Variants in FRAS1 observed in about 807,000 individuals in gnomAD.
FRAS1 encodes extracellular matrix organizing protein FRAS1.
Under a neutral mutation model 435.2 loss-of-function variants are expected in FRAS1, and 290 were observed. The ratio of observed to expected loss-of-function variants is 0.67; its 90% CI spans 0.61 to 0.73. FRAS1 has a LOEUF of 0.73. FRAS1 is among the 30% of genes least tolerant of loss of function. The pLI is 0.00. For missense variants in FRAS1, 4,860 were observed against 5,001.5 expected, an observed-to-expected ratio of 0.97 and a Z score of 0.85; for synonymous variants, 1,800 against 1,851.0, an observed-to-expected ratio of 0.97 and a Z score of 0.71.
intron 2 of FRAS1, among the ~76,000 whole-genome samples, chr4:78,219,222 A>G (rs1356286200): frequency 6.6e-6 from 1 of 152,208 alleles, no homozygotes; most frequent in Admixed American, 6.5e-5. Flanking sequence ...AGACTGAATT[A>G]CTTATTTGCT....
chr4:78,355,487 A>G (rs446773), intron 20 of FRAS1, among the ~76,000 whole-genome samples: 10,080 of 152,212 alleles, frequency 0.066, 623 homozygotes, highest in African/African-American at 0.17. Flanking sequence ...GACAGGCTCC[A>G]GAATAGGCAC....
At chr4:78,212,322 C>T (rs1272590512) in intron 2 of FRAS1, among the ~76,000 whole-genome samples, 4 of 152,118 alleles carry the variant, frequency 2.6e-5, no homozygotes, top group Non-Finnish European at 5.9e-5. Context: ...CATCGTCTTC[C>T]CTTTCTGTAG....
rs756201283 is a variant in FRAS1, at chr4:78,441,171, G to T, written c.5539G>T (p.Gly1847Ter). Residue 1847 changes from glycine to a stop codon, truncating the protein, a stop_gained, in exon 41 of 74, where the codon GGA (glycine) becomes TGA (stop). Transcript: ENST00000512123. LOFTEE classifies it high-confidence loss of function. ...TTCTTTTCTTTCTTAGGTTGATGAG[G>T]GAGGGAGAGCACCACTCTCATTTCA... is the stretch of plus-strand genomic sequence containing the variant. ...AFADLITVDE[G>*]GRAPLSFHHF... 3 of 1,613,676 alleles carry T rather than the reference G, an allele frequency of 1.9e-6. No homozygotes were observed. The South Asian group carries it at 3.3e-5, about 18-fold the overall frequency.
At position 78,466,314 on chromosome 4, in the gene FRAS1, A is replaced by T; in HGVS notation, c.7136A>T (p.Asp2379Val). 6.2e-7 allele frequency: 1 copy of T among 1,613,880 alleles called. No individual in the cohort carries two copies. Among genetic ancestry groups the T allele is most frequent in the Non-Finnish European group, 8.5e-7 (1 of 1,179,800 alleles). ...CTCACCTCCACCTTCACCATGAAAG[A>T]TATCTACCAGAACCGGGTCAGCTAC... ...FHLTSTFTMK[D>V]IYQNRVSYSH... Residue 2379 changes from aspartate to valine, a missense_variant, in exon 50 of 74, where the codon GAT becomes GTT. Asp to Val is a radical substitution (Grantham distance 152). Transcript: ENST00000512123.
At chr4:78,329,312 G>T (rs930304249) in intron 18 of FRAS1, among the ~76,000 whole-genome samples, 1 of 152,150 alleles carries the variant, frequency 6.6e-6, no homozygotes, top group Non-Finnish European at 1.5e-5. Context: ...TCTGGATTCC[G>T]GTAACTTTAC....
intron 25 of FRAS1, 50 bp from the exon 26 acceptor site, chr4:78,375,689 C>G: frequency 6.7e-7 from 1 of 1,486,496 alleles, no homozygotes; most frequent in South Asian, 1.4e-5. Flanking sequence ...ATTTCTTTGT[C>G]GCTGGTGTTG....
intron 70 of FRAS1, among the ~76,000 whole-genome samples, chr4:78,529,060 A>G (rs1431419943): frequency 6.6e-6 from 1 of 152,114 alleles, no homozygotes; most frequent in East Asian, 1.9e-4. Context: ...TAATGGGCCT[A>G]TGAAGAGTAG....
chr4:78,517,773 A>G (rs1432660926), intron 66 of FRAS1, among the ~76,000 whole-genome samples: 7 of 152,180 alleles, frequency 4.6e-5, no homozygotes, highest in African/African-American at 1.7e-4. Flanking sequence ...TTAGTGAGTA[A>G]TATCATGAGG....
chr4:78,508,681 T>C (rs1560418265), intron 62 of FRAS1, 50 bp from the exon 63 acceptor site: 2 of 1,604,914 alleles, frequency 1.2e-6, no homozygotes, highest in Non-Finnish European at 1.7e-6. Flanking sequence ...CTTAGTTCTC[T>C]GACCTTGCCA....
At chr4:78,539,769 G>T (rs751063101) in intron 73 of FRAS1, among the ~76,000 whole-genome samples, 2 of 151,854 alleles carry the variant, frequency 1.3e-5, no homozygotes, top group East Asian at 3.9e-4. Flanking sequence ...TGATTTTCAC[G>T]GACATATGAA....
intron 6 of FRAS1, among the ~76,000 whole-genome samples, chr4:78,260,917 A>G (rs1726065181): frequency 1.3e-5 from 2 of 152,104 alleles, no homozygotes; most frequent in Non-Finnish European, 2.9e-5. Context: ...TTTGTCTGGA[A>G]TATTATGGAG....
intron 45 of FRAS1, among the ~76,000 whole-genome samples, chr4:78,451,297 G>T (rs1719013732): frequency 6.6e-6 from 1 of 152,146 alleles, no homozygotes; most frequent in African/African-American, 2.4e-5. Flanking sequence ...TTTGTTGGTT[G>T]GCTATAGCCC....
At chr4:78,089,144 C>A (rs1198920662) in intron 2 of FRAS1, among the ~76,000 whole-genome samples, 1 of 151,824 alleles carries the variant, frequency 6.6e-6, no homozygotes, top group South Asian at 2.1e-4. Context: ...ATGGATGAAG[C>A]TGGAAACCAT....
At chr4:78,219,975 C>T (rs776090965) in intron 2 of FRAS1, among the ~76,000 whole-genome samples, 13 of 152,128 alleles carry the variant, frequency 8.5e-5, no homozygotes, top group Non-Finnish European at 1.9e-4. Context: ...CATCCCATAT[C>T]CTCTAGTACA....
At chr4:78,366,087 G>A (rs1023615417) in intron 22 of FRAS1, among the ~76,000 whole-genome samples, 1 of 152,114 alleles carries the variant, frequency 6.6e-6, no homozygotes, top group Non-Finnish European at 1.5e-5. Context: ...CAGTATTAAG[G>A]GAGGCAGTCA....
At chr4:78,252,257 A>G (rs1456176863) in intron 4 of FRAS1, 135 bp from the exon 5 acceptor site, 2 of 794,074 alleles carry the variant, frequency 2.5e-6, no homozygotes, top group Non-Finnish European at 3.8e-6. Context: ...CAACCTTGCA[A>G]GCTCATAGCT....
At chr4:78,449,964 T>A (rs1424144347) in intron 44 of FRAS1, among the ~76,000 whole-genome samples, 187 bp from the exon 45 acceptor site, 1 of 150,940 alleles carries the variant, frequency 6.6e-6, no homozygotes, top group East Asian at 1.9e-4. Context: ...ATTAGTAAAT[T>A]GAAATGTCGG....
At chr4:78,418,678 G>A (rs879460493) in intron 32 of FRAS1, among the ~76,000 whole-genome samples, 3 of 152,166 alleles carry the variant, frequency 2.0e-5, no homozygotes, top group East Asian at 1.9e-4. Context: ...AATCCCAACC[G>A]CGTGCACTGG....
intron 1 of FRAS1, among the ~76,000 whole-genome samples, chr4:78,062,868 G>A (rs930452979): frequency 6.6e-6 from 1 of 152,116 alleles, no homozygotes; most frequent in Non-Finnish European, 1.5e-5. Context: ...CTTTCTCACA[G>A]GTTGTGAGGT....
Sources: gnomAD v4.1 joint callset for allele counts (sites outside exome capture counted in the v4.1 genomes callset) on GRCh38, gnomAD v4.1.1 for gene constraint, MANE v1.5 for transcripts, NCBI Gene and HGNC (gene_info 2026-07-23, HGNC 2026-07-21) for gene names.